PUDP: variants seen among roughly 807,000 people sequenced by gnomAD.
PUDP encodes pseudouridine-5'-phosphatase.
Under a neutral mutation model 9.4 loss-of-function variants are expected in PUDP, and 8 were observed. The observed-to-expected ratio is 0.85, with a 90% CI of 0.50 to 1.53. PUDP has a LOEUF of 1.53. Ranked by LOEUF, PUDP falls within the 40% of genes most tolerant of loss-of-function variation. The pLI is 0.00. For synonymous variants in PUDP, 99 were observed against 80.7 expected (o/e 1.23, Z -1.22); for missense variants, 188 against 189.7 (o/e 0.99, Z 0.05).
intron 1 of PUDP, among the ~76,000 whole-genome samples, chrX:7,121,514 G>A (rs1421598026): frequency 1.8e-5 from 2 of 111,520 alleles, no homozygotes; most frequent in Non-Finnish European, 3.8e-5. Flanking sequence ...GCTAAAAGCA[G>A]GTCCCACTAC....
chrX:6,757,566 CGAT>C (rs942541261), intron 3 of PUDP, among the ~76,000 whole-genome samples: 3 of 110,768 alleles, frequency 2.7e-5, no homozygotes, highest in Non-Finnish European at 5.7e-5. Flanking sequence ...CAAGGAGAAA[CGAT>C]GAGTGTGATA....
At chrX:7,108,709 A>AT (rs201152074) in intron 1 of PUDP, among the ~76,000 whole-genome samples, 1 of 111,611 alleles carries the variant, frequency 9.0e-6, no homozygotes, top group Admixed American at 9.4e-5. Context: ...CACAAGCTGT[A>AT]TTTTTTTCAT....
At chrX:6,963,237 T>C (rs1187179152) in intron 3 of PUDP, among the ~76,000 whole-genome samples, 1 of 111,480 alleles carries the variant, frequency 9.0e-6, no homozygotes, top group Non-Finnish European at 1.9e-5. Flanking sequence ...TATAAGGAGG[T>C]TCTGGCTTCA....
At chrX:7,034,026 C>T (rs1439068099) in intron 1 of PUDP, among the ~76,000 whole-genome samples, 3 of 112,190 alleles carry the variant, frequency 2.7e-5, no homozygotes, top group African/African-American at 9.7e-5. Context: ...CAGATAGGAA[C>T]AGAGTCAGGG....
downstream of PUDP, among the ~76,000 whole-genome samples, chrX:7,046,944 C>A (rs1466191205): frequency 9.0e-6 from 1 of 111,640 alleles, no homozygotes; most frequent in African/African-American, 3.3e-5. Flanking sequence ...TAACGTAGAA[C>A]TTGAAAATTA....
chrX:6,832,669 A>G (rs1926521186), intron 3 of PUDP, among the ~76,000 whole-genome samples: 1 of 111,877 alleles, frequency 8.9e-6, no homozygotes, highest in South Asian at 3.7e-4. Context: ...TTATAGCAGA[A>G]GGACAACCCA....
At chrX:7,113,025 T>C (rs970422219) in intron 1 of PUDP, 1 of 112,462 alleles carries the variant, frequency 8.9e-6, no homozygotes, top group Non-Finnish European at 1.9e-5. Flanking sequence ...TTAAAGCCCG[T>C]GTCCTAAGTA....
chrX:7,114,369 C>T (rs1318501663), intron 1 of PUDP, among the ~76,000 whole-genome samples: 2 of 111,547 alleles, frequency 1.8e-5, no homozygotes, highest in East Asian at 5.7e-4. Context: ...GTGTGAGCCA[C>T]AGTGCCCAGC....
intron 3 of PUDP, among the ~76,000 whole-genome samples, chrX:7,068,576 T>A (rs1336671875): frequency 8.9e-6 from 1 of 111,969 alleles, no homozygotes; most frequent in East Asian, 2.8e-4. Context: ...AGGGAGGTTT[T>A]CAGAAGAGAG....
At chrX:7,002,314 C>T (rs1929337754) in intron 1 of PUDP, among the ~76,000 whole-genome samples, 1 of 111,814 alleles carries the variant, frequency 8.9e-6, no homozygotes, top group Admixed American at 9.5e-5. Flanking sequence ...TATCAGCTAC[C>T]AAGGTAAATG....
chrX:7,055,704 A>G (rs1303393060), intron 3 of PUDP, among the ~76,000 whole-genome samples: 1 of 112,285 alleles, frequency 8.9e-6, no homozygotes, highest in Non-Finnish European at 1.9e-5. Context: ...TGTCTACTGA[A>G]ACTTAAGGAT....
At chrX:7,000,596 A>T (rs1215514922) in intron 1 of PUDP, among the ~76,000 whole-genome samples, 1 of 109,825 alleles carries the variant, frequency 9.1e-6, no homozygotes, top group Non-Finnish European at 1.9e-5. Context: ...ATAAAATATA[A>T]ATAAAAAATA....
At chrX:7,025,625 C>T (rs186420233) in intron 1 of PUDP, among the ~76,000 whole-genome samples, 1 of 111,873 alleles carries the variant, frequency 8.9e-6, no homozygotes, top group East Asian at 2.8e-4. Context: ...GACCCTCAAG[C>T]TCTCAGAACT....
chrX:6,818,322 G>T (rs1165565070), intron 3 of PUDP, among the ~76,000 whole-genome samples: 1 of 111,686 alleles, frequency 9.0e-6, no homozygotes, highest in Non-Finnish European at 1.9e-5. Context: ...TAGTTTTATT[G>T]GTCTGTTTTC....
At chrX:6,797,728 C>A (rs1006783806) in intron 3 of PUDP, among the ~76,000 whole-genome samples, 2 of 112,022 alleles carry the variant, frequency 1.8e-5, no homozygotes, top group Non-Finnish European at 3.8e-5. Flanking sequence ...GCCAGAAATA[C>A]CAAGCTCAGC....
chrX:7,145,369 C>G (rs1164367378), intron 1 of PUDP, among the ~76,000 whole-genome samples: 1 of 111,414 alleles, frequency 9.0e-6, no homozygotes, highest in Admixed American at 9.6e-5. Flanking sequence ...TTGGGACCAT[C>G]TTTTGTGTTC....
chrX:7,053,461 G>C (rs778063629), intron 3 of PUDP, among the ~76,000 whole-genome samples: 1 of 111,589 alleles, frequency 9.0e-6, no homozygotes, highest in South Asian at 3.8e-4. Context: ...ATTGAATCAT[G>C]GGGGCAGTTT....
At chrX:7,131,762 G>A (rs756935896) in intron 1 of PUDP, among the ~76,000 whole-genome samples, 48 of 106,328 alleles carry the variant, frequency 4.5e-4, no homozygotes, top group African/African-American at 1.4e-3. Flanking sequence ...TCGTGTGCTC[G>A]CCAGGCTGTA....
At chrX:6,821,139 G>A (rs148763077) in intron 3 of PUDP, among the ~76,000 whole-genome samples, 97 of 111,257 alleles carry the variant, frequency 8.7e-4, no homozygotes, top group African/African-American at 3.1e-3. Context: ...TTAAAGCACT[G>A]AGACTGGGCG....
Sources: gnomAD v4.1 joint callset for allele counts (sites outside exome capture counted in the v4.1 genomes callset) on GRCh38, gnomAD v4.1.1 for gene constraint, MANE v1.5 for transcripts, NCBI Gene and HGNC (gene_info 2026-07-23, HGNC 2026-07-21) for gene names.